IFT46: variants seen among roughly 807,000 people sequenced by gnomAD.
IFT46 encodes intraflagellar transport protein 46 homolog.
Under a neutral mutation model 39.6 loss-of-function variants are expected in IFT46, and 19 were observed. The observed-to-expected ratio is 0.48, with a 90% CI of 0.33 to 0.70. The LOEUF is 0.70. Among genes scored for constraint, IFT46 ranks in the 30% least tolerant of loss-of-function variants. The pLI, the probability that IFT46 is intolerant of heterozygous loss-of-function variation, is 0.01. For synonymous variants in IFT46, 117 were observed against 134.8 expected (o/e 0.87, Z 0.91); for missense variants, 334 against 364.8 (o/e 0.92, Z 0.69).
At chr11:118,558,003 A>G in intron 3 of IFT46, 1 of 1,062,454 alleles carries the variant, frequency 9.4e-7, no homozygotes, top group Non-Finnish European at 1.3e-6. Flanking sequence ...TTTAAAATTA[A>G]TTTGTTTTTA....
intron 1 of IFT46, among the ~76,000 whole-genome samples, chr11:118,571,332 T>G (rs1938331823): frequency 6.6e-6 from 1 of 152,232 alleles, no homozygotes; most frequent in Non-Finnish European, 1.5e-5. Flanking sequence ...CATCTATTGA[T>G]GAATGGATTT....
At chr11:118,558,312 G>A (rs1937909926) in intron 3 of IFT46, among the ~76,000 whole-genome samples, 2 of 152,168 alleles carry the variant, frequency 1.3e-5, no homozygotes, top group Non-Finnish European at 2.9e-5. Context: ...TAAGAATATT[G>A]TCAGCCCGGG....
At chr11:118,562,316 G>C (rs979510345) in intron 2 of IFT46, among the ~76,000 whole-genome samples, 89 of 151,664 alleles carry the variant, frequency 5.9e-4, no homozygotes, top group African/African-American at 2.1e-3. Context: ...GGCATGGGCT[G>C]GTAGTCCCAG....
chr11:118,545,277 A>T (rs959148914), intron 11 of IFT46, 132 bp downstream of exon 11: 5 of 784,924 alleles, frequency 6.4e-6, no homozygotes, highest in Middle Eastern at 4.8e-4. Flanking sequence ...TCTCCTAATT[A>T]TGGGAAAGGG....
chr11:118,563,492 C>T lies in IFT46; in HGVS notation c.-36+1473G>A, dbSNP rs1307431647. ...TGGATGTCATCCTTGATTCCTAACT[C>T]GAGTCAAATCCAATCCATCACCAAG... On this transcript the variant is annotated intron_variant, in intron 2 of 11. Transcript: ENST00000264021. Among the ~76,000 whole-genome samples the T allele has an allele frequency of 3.3e-5, 5 of 152,324 alleles. No individual in the cohort carries two copies. The South Asian group carries it at 8.3e-4, about 25-fold the overall frequency.
intron 2 of IFT46, chr11:118,561,479 A>C: frequency 1.3e-6 from 1 of 782,612 alleles, no homozygotes; most frequent in Non-Finnish European, 2.2e-6. Context: ...TAAAAAGAAT[A>C]GGTGGAACTG....
At chr11:118,560,151 G>C in intron 2 of IFT46, 1 of 336,744 alleles carries the variant, frequency 3.0e-6, no homozygotes, top group East Asian at 7.0e-5. Context: ...AGTGGCTCAT[G>C]CCTATAATCC....
In IFT46 at chr11:118,564,033, C is replaced by T. The variant is rs1191609442; in HGVS notation, c.-36+932G>A. Among the ~76,000 whole-genome samples, 5 of 151,768 alleles carry T rather than the reference C, an allele frequency of 3.3e-5. No individual in the cohort carries two copies. The East Asian group carries it at 9.7e-4, about 29-fold the overall frequency. ...CCTGGCCAACATGGTGAAACCCCGTCTCTACTAAAAATACTAAAATTAGCT... is the reference window on the plus strand; with the variant it reads ...CCTGGCCAACATGGTGAAACCCCGTTTCTACTAAAAATACTAAAATTAGCT... On this transcript the variant is annotated intron_variant, in intron 2 of 11. Transcript: ENST00000264021.
intron 3 of IFT46, chr11:118,558,031 G>T: frequency 1.2e-6 from 1 of 823,720 alleles, no homozygotes; most frequent in Non-Finnish European, 1.8e-6. Context: ...GCAGCTATTG[G>T]CACACAAAAT....
At chr11:118,570,777 T>C (rs1398534471), upstream of IFT46, among the ~76,000 whole-genome samples, 1 of 152,222 alleles carries the variant, frequency 6.6e-6, no homozygotes, top group Admixed American at 6.5e-5. Context: ...ATATACAAAA[T>C]GGACATGAGC....
chr11:118,572,061 G>C (rs1938348248), intron 1 of IFT46, among the ~76,000 whole-genome samples: 1 of 148,356 alleles, frequency 6.7e-6, no homozygotes. Context: ...TTGCACTCCA[G>C]CCTGGGCGAC....
rs1937678032 is a variant in IFT46, at chr11:118,552,540, C to T, written c.484-205G>A. On this transcript the variant is annotated intron_variant, in intron 7 of 11. Coordinates refer to ENST00000264021, the MANE Select transcript of IFT46 (RefSeq NM_001168618.2). ...CAGGCATGGCGGTCACACTTGTAAT[C>T]CTAGCACTTTGGCAGTCTGAGGTGG... Among the ~76,000 whole-genome samples the T allele has an allele frequency of 2.6e-5, 4 of 152,152 alleles. No homozygotes were observed. In the South Asian group the frequency reaches 8.3e-4, roughly 32 times the overall value.
At chr11:118,560,268 A>G in intron 2 of IFT46, 1 of 179,694 alleles carries the variant, frequency 5.6e-6, no homozygotes, top group South Asian at 1.3e-4. Flanking sequence ...AAAGAAAAAA[A>G]ATTAGCTGGG....
Position 118,558,362 on chromosome 11 carries a change from C to T in IFT46, c.46-1317G>A, listed in dbSNP as rs140198145. 1.5e-3 allele frequency among the ~76,000 whole-genome samples: 224 copies of T among 152,186 alleles called. 1 individual carries two copies. The highest frequency in any genetic ancestry group is 5.3e-3 in the African/African-American group (219 of 41,530). ...CTGTAATCCCAGCACTTTGGGAGAC[C>T]GAAGCAGGCGGATCATGTGGTCAGG... On this transcript the variant is annotated intron_variant, in intron 3 of 11. Transcript: ENST00000264021.
At chr11:118,572,648 A>T (rs1736113435) in exon 1 of IFT46, 1 of 1,490,372 alleles carries the variant, frequency 6.7e-7, no homozygotes. Context: ...CCCCGCCCTG[A>T]GGGTCTAGGG....
chr11:118,547,848 G>A lies in IFT46; in HGVS notation c.673-1995C>T, dbSNP rs879987853. Among the ~76,000 whole-genome samples, 148 of 145,164 alleles carry A rather than the reference G, an allele frequency of 1.0e-3. 2 individuals carry two copies. Among genetic ancestry groups the A allele is most frequent in the African/African-American group, 3.3e-3 (130 of 39,540 alleles). ...TACAATCTCCGTCTCCCGGGTTCAC[G>A]CCATTCTCCTGCCTCAGCCTCCCAA... On this transcript the variant is annotated intron_variant, in intron 9 of 11. Transcript: ENST00000264021.
chr11:118,557,470 A>AG lies in IFT46; in HGVS notation c.46-426dup, dbSNP rs200545817. 1,705 of 469,816 alleles carry AG rather than the reference A, an allele frequency of 3.6e-3. 25 individuals are homozygous for AG. Among genetic ancestry groups the AG allele is most frequent in the African/African-American group, 0.029 (1,450 of 49,670 alleles). 29.1% of individuals were successfully genotyped at this position (469,816 alleles called of 1,614,324 possible). A position where few individuals can be genotyped will look rare whatever the true frequency, so the allele number is the denominator to read the frequency against. ...GGGTCTTAATACTCACAAAGACCAT[A>AG]GAGAGGAAATCTAATACTTAATTTG... is the stretch of plus-strand genomic sequence containing the variant. On this transcript the variant is annotated intron_variant, in intron 3 of 11. Coordinates refer to ENST00000264021, the MANE Select transcript of IFT46 (RefSeq NM_001168618.2).
upstream of IFT46, chr11:118,573,736 AAT>A (rs781949034): frequency 2.9e-6 from 2 of 688,246 alleles, no homozygotes; most frequent in South Asian, 3.0e-5. Context: ...TAATGGGGGG[AAT>A]TCATGCTTGG....
At position 118,544,717 on chromosome 11, in the gene IFT46, G is replaced by C; in HGVS notation, c.*199C>G. 3 of 569,794 alleles carry C rather than the reference G, an allele frequency of 5.3e-6. No individual in the cohort carries two copies. The highest frequency in any genetic ancestry group is 9.4e-6 in the Non-Finnish European group (3 of 318,182). The allele number at this position is 569,794 out of a possible 1,614,324, so 35.3% of individuals were successfully genotyped here. ...AGTGGTGTAGATGCATTAACTCCCCGGGGACAGCAATCTGAGGCAGGCAGG... is the reference window on the plus strand; with the variant it reads ...AGTGGTGTAGATGCATTAACTCCCCCGGGACAGCAATCTGAGGCAGGCAGG... On this transcript the variant is annotated 3_prime_UTR_variant, in exon 12 of 12. Transcript: ENST00000264021.
Sources: allele counts gnomAD v4.1 joint callset (sites outside exome capture counted in the v4.1 genomes callset), GRCh38; gene constraint gnomAD v4.1.1; transcripts MANE v1.5; gene names NCBI Gene and HGNC (gene_info 2026-07-23, HGNC 2026-07-21).